KIN: variants seen among roughly 807,000 people sequenced by gnomAD.
KIN encodes Kin17 DNA and RNA binding protein, also known as DNA/RNA-binding protein KIN17.
A neutral mutation model predicts 63.0 loss-of-function variants in KIN; 47 were observed. The ratio of observed to expected loss-of-function variants is 0.75; its 90% confidence interval spans 0.59 to 0.95. The LOEUF is 0.95. Among genes scored for constraint, KIN ranks in the 40% least tolerant of loss-of-function variants. KIN has a pLI of 0.00. For synonymous variants in KIN, 160 were observed against 157.7 expected (o/e 1.01, Z -0.11); for missense variants, 408 against 460.9 (o/e 0.89, Z 1.05).
chr10:7,766,798 C>A (rs1021665842), intron 8 of KIN, among the ~76,000 whole-genome samples: 1 of 151,816 alleles, frequency 6.6e-6, no homozygotes, highest in East Asian at 1.9e-4. Context: ...CTGAGGTGGG[C>A]GGATCACGAG....
At chr10:7,783,484 T>G (rs1243110120) in intron 1 of KIN, among the ~76,000 whole-genome samples, 1 of 152,162 alleles carries the variant, frequency 6.6e-6, no homozygotes, top group Non-Finnish European at 1.5e-5. Flanking sequence ...TAGACTTAAG[T>G]TAATCAATTC....
At chr10:7,758,470 T>C (rs955764001) in intron 12 of KIN, among the ~76,000 whole-genome samples, 2 of 152,164 alleles carry the variant, frequency 1.3e-5, no homozygotes, top group Admixed American at 1.3e-4. Context: ...GTACAGAAGA[T>C]GAAACTGGGT....
chr10:7,774,962 C>T (rs367929098), intron 6 of KIN, 71 bp from the exon 7 acceptor site: 1 of 1,123,956 alleles, frequency 8.9e-7, no homozygotes, highest in Non-Finnish European at 1.3e-6. Flanking sequence ...AGATAAGATA[C>T]TACAAAGTGT....
In KIN at chr10:7,753,559, C is replaced by G. The variant is rs1278704905; in HGVS notation, c.*2521G>C. The G allele has an allele frequency of 1.3e-5, 2 of 153,174 alleles. No homozygotes were observed. The highest frequency in any genetic ancestry group is 4.8e-5 in the African/African-American group (2 of 41,464). The allele number at this position is 153,174 out of a possible 1,614,324, so 9.5% of individuals were successfully genotyped here. On this transcript the variant is annotated 3_prime_UTR_variant, in exon 13 of 13. Coordinates refer to ENST00000379562, the MANE Select transcript of KIN (RefSeq NM_012311.4). ...ACCTACTATGTGCTGGACTTCATGT[C>G]TGATGATTTATATGTATTTTCTGTA...
In KIN at chr10:7,787,805, T is replaced by A; in HGVS notation, c.114+15A>T. On this transcript the variant is annotated intron_variant, in intron 1 of 12. Transcript: ENST00000379562. The stretch of plus-strand genomic sequence containing the variant: ...GGCCCTCCTGGGAAGACGGGGCCAC[T>A]CCGGGCCCACTCACCTCGTCCCGGC... The A allele has an allele frequency of 6.3e-7, 1 of 1,585,922 alleles. No homozygotes were observed. Among genetic ancestry groups the A allele is most frequent in the South Asian group, 1.1e-5 (1 of 90,550 alleles).
intron 5 of KIN, among the ~76,000 whole-genome samples, chr10:7,778,529 A>C (rs2131024007): frequency 6.6e-6 from 1 of 152,308 alleles, no homozygotes; most frequent in Non-Finnish European, 1.5e-5. Flanking sequence ...TCACGAGGTC[A>C]GGAGTTGGAG....
rs551828919 is a variant in KIN, at chr10:7,778,479, G to A, written c.558+359C>T. On this transcript the variant is annotated intron_variant, in intron 5 of 12. Transcript: ENST00000379562. ...AAGCTGGCTGGGCACGGTGGCTCAC[G>A]CCTGTAATCCTGTAACTTTGGGAGG... 5.9e-5 allele frequency among the ~76,000 whole-genome samples: 9 copies of A among 152,296 alleles called. No homozygotes were observed. In the South Asian group the frequency reaches 1.7e-3, roughly 28 times the overall value.
Position 7,780,103 on chromosome 10 carries a change from G to C in KIN, c.329C>G (p.Thr110Ser), listed in dbSNP as rs1483769631. 6.2e-7 allele frequency: 1 copy of C among 1,613,242 alleles called. No homozygotes were observed. Among genetic ancestry groups the C allele is most frequent in the Non-Finnish European group, 8.5e-7 (1 of 1,179,648 alleles). Residue 110 changes from threonine to serine, a missense_variant, in exon 4 of 13, where the codon ACT becomes AGT. By Grantham distance (58) the Thr-to-Ser change is moderately conservative. Transcript: ENST00000379562. ...AAAATCAGTCAGAGTTTCCCACTGA[G>C]TGGCATTCATGTGGATGTGCTCTCG... ...SHREHIHMNA[T>S]QWETLTDFTK...
intron 5 of KIN, among the ~76,000 whole-genome samples, chr10:7,778,368 C>T (rs1835822601): frequency 2.0e-5 from 3 of 152,118 alleles, no homozygotes; most frequent in African/African-American, 7.2e-5. Flanking sequence ...TTGTCAATGC[C>T]AAAAATGTGC....
In KIN at chr10:7,785,979, G is replaced by A. The variant is rs74122339; in HGVS notation, c.114+1841C>T. Among the ~76,000 whole-genome samples the A allele has an allele frequency of 7.4e-3, 1,134 of 152,220 alleles. 8 individuals are homozygous for A. Among genetic ancestry groups the A allele is most frequent in the African/African-American group, 0.025 (1,040 of 41,528 alleles). On this transcript the variant is annotated intron_variant, in intron 1 of 12. Transcript: ENST00000379562. ...TGTGAGATTTTATAATGGTGAATAC[G>A]TATCATTATGCATTTGTCAAAACCC...
chr10:7,782,529 G>A (rs142446217), intron 2 of KIN, among the ~76,000 whole-genome samples: 4,984 of 151,848 alleles, frequency 0.033, 116 homozygotes, highest in South Asian at 0.09. Context: ...CTCCTGAGTC[G>A]CTGGGATTAC....
Position 7,755,878 on chromosome 10 carries a change from C to CA in KIN, c.*201dup. On this transcript the variant is annotated 3_prime_UTR_variant, in exon 13 of 13. Coordinates refer to ENST00000379562, the MANE Select transcript of KIN (RefSeq NM_012311.4). ...ACAAAGGAAACAAAAATAACAAGGA[C>CA]AAAATTACATAGTTTGATACCTCAT... 1 of 380,904 alleles carries CA rather than the reference C, an allele frequency of 2.6e-6. No individual in the cohort carries two copies. The highest frequency in any genetic ancestry group is 4.0e-5 in the East Asian group (1 of 25,316). 23.6% of individuals were successfully genotyped at this position (380,904 alleles called of 1,614,324 possible).
At chr10:7,781,587 T>TCTACACACACACACAC (rs71515486) in intron 2 of KIN, among the ~76,000 whole-genome samples, 1 of 140,628 alleles carries the variant, frequency 7.1e-6, no homozygotes, top group African/African-American at 2.8e-5. Flanking sequence ...ACCCTGTCTC[T>TCTACACACACACACAC]ACACACACAC....
chr10:7,778,001 C>G (rs1010584934), intron 5 of KIN, among the ~76,000 whole-genome samples: 3 of 152,040 alleles, frequency 2.0e-5, no homozygotes, highest in African/African-American at 7.2e-5. Context: ...ACAGCGGAGG[C>G]GCTTATAAAT....
chr10:7,780,147 G>A lies in KIN; in HGVS notation c.285C>T (p.Tyr95=), dbSNP rs1381062727. 6.2e-7 allele frequency: 1 copy of A among 1,611,912 alleles called. No individual in the cohort carries two copies. Among genetic ancestry groups the A allele is most frequent in the Non-Finnish European group, 8.5e-7 (1 of 1,178,970 alleles). ...GCTCTCGGTGGCTGATGTATTCGTT[G>A]TAGACAATGTTGTTGTGGACCCTTT... ...GTKRVHNNIV[Y]NEYISHREHI... Residue 95 remains tyrosine, a synonymous_variant, in exon 4 of 13, where the codon TAC becomes TAT. Transcript: ENST00000379562.
chr10:7,779,674 C>G (rs767415939), intron 4 of KIN, among the ~76,000 whole-genome samples: 7 of 152,002 alleles, frequency 4.6e-5, no homozygotes, highest in Non-Finnish European at 8.8e-5. Context: ...TAAGAAATCT[C>G]GAGATGATTT....
chr10:7,766,882 C>T (rs1413862387), intron 8 of KIN, among the ~76,000 whole-genome samples: 2 of 151,792 alleles, frequency 1.3e-5, no homozygotes, highest in Non-Finnish European at 2.9e-5. Flanking sequence ...ATTAGCCAGG[C>T]GTGGTGGTGC....
chr10:7,785,971 G>C (rs1456238148), intron 1 of KIN, among the ~76,000 whole-genome samples: 1 of 152,186 alleles, frequency 6.6e-6, no homozygotes, highest in Non-Finnish European at 1.5e-5. Flanking sequence ...TTTTATAATG[G>C]TGAATACGTA....
rs769387138 is a variant in KIN, at chr10:7,778,890, GT to G, written c.505del (p.Thr169LeufsTer9). The G allele has an allele frequency of 3.1e-6, 5 of 1,614,094 alleles. No individual in the cohort carries two copies. In the Admixed American group the frequency reaches 5.0e-5, roughly 16 times the overall value. ...KKQDLDDEEK[T>X]AKFIEEQVRR... ...CACTTGCTCTTCAATAAATTTGGCA[GT>G]TTTTTCTTCATCATCAAGGTCCTGC... On this transcript the variant is annotated frameshift_variant, in exon 5 of 13. Transcript: ENST00000379562. LOFTEE classifies it high-confidence loss of function.
Sources: gnomAD v4.1 joint callset for allele counts (sites outside exome capture counted in the v4.1 genomes callset) on GRCh38, gnomAD v4.1.1 for gene constraint, MANE v1.5 for transcripts, NCBI Gene and HGNC (gene_info 2026-07-23, HGNC 2026-07-21) for gene names.